CCSER1: variants seen among roughly 807,000 people sequenced by gnomAD.
CCSER1 encodes serine-rich coiled-coil domain-containing protein 1.
In CCSER1, 41 loss-of-function variants were observed where a neutral mutation model predicts 82.0. That is an observed-to-expected ratio of 0.50 (90% CI 0.39 to 0.65). The LOEUF is 0.65. Among genes scored for constraint, CCSER1 ranks in the 30% least tolerant of loss-of-function variants. CCSER1 has a pLI of 0.00. For synonymous variants in CCSER1, 414 were observed against 383.9 expected, an observed-to-expected ratio of 1.08 and a Z score of -0.92; for missense variants, 1,119 against 1,064.2, an observed-to-expected ratio of 1.05 and a Z score of -0.72.
At chr4:90,581,172 A>C (rs1372668574) in intron 5 of CCSER1, among the ~76,000 whole-genome samples, 1 of 152,124 alleles carries the variant, frequency 6.6e-6, no homozygotes, top group Non-Finnish European at 1.5e-5. Flanking sequence ...TATAATACTA[A>C]ATTATAGATT....
chr4:90,144,416 C>A (rs1725422207), intron 1 of CCSER1, among the ~76,000 whole-genome samples: 1 of 152,102 alleles, frequency 6.6e-6, no homozygotes, highest in Non-Finnish European at 1.5e-5. Context: ...CAACATATAG[C>A]TCTTGTAACA....
intron 1 of CCSER1, among the ~76,000 whole-genome samples, chr4:90,237,791 A>G (rs1216856100): frequency 2.6e-5 from 4 of 152,156 alleles, no homozygotes; most frequent in Non-Finnish European, 5.9e-5. Flanking sequence ...ACAACATCTT[A>G]ATTATGGTGA....
At chr4:90,360,651 G>T (rs182988230) in intron 3 of CCSER1, among the ~76,000 whole-genome samples, 6 of 149,620 alleles carry the variant, frequency 4.0e-5, no homozygotes, top group African/African-American at 1.2e-4. Context: ...TAGAAGCTTC[G>T]TCGTTCTTTT....
At chr4:91,063,864 T>C (rs1328557478) in intron 9 of CCSER1, among the ~76,000 whole-genome samples, 2 of 152,174 alleles carry the variant, frequency 1.3e-5, no homozygotes, top group African/African-American at 4.8e-5. Context: ...ATACTCCGAA[T>C]TGGTTCTCAA....
chr4:90,847,866 AT>A (rs1357589476), intron 8 of CCSER1, among the ~76,000 whole-genome samples: 1 of 151,982 alleles, frequency 6.6e-6, no homozygotes, highest in East Asian at 1.9e-4. Flanking sequence ...TGCAGTTTTT[AT>A]TTTGATGATG....
intron 9 of CCSER1, among the ~76,000 whole-genome samples, chr4:90,994,255 A>G (rs1737297841): frequency 6.6e-6 from 1 of 152,120 alleles, no homozygotes; most frequent in Non-Finnish European, 1.5e-5. Flanking sequence ...AATATACCTA[A>G]GCTACCAAAC....
chr4:91,448,674 AGTT>A (rs780242688), intron 10 of CCSER1, among the ~76,000 whole-genome samples: 3 of 152,130 alleles, frequency 2.0e-5, no homozygotes, highest in Non-Finnish European at 2.9e-5. Context: ...GATGATAAAA[AGTT>A]GTTCACAATT....
intron 10 of CCSER1, among the ~76,000 whole-genome samples, chr4:91,180,903 G>C (rs1019332142): frequency 4.6e-5 from 7 of 151,352 alleles, no homozygotes; most frequent in Admixed American, 1.3e-4. Flanking sequence ...ATCCCTTAAG[G>C]GAAACAAGAG....
At chr4:90,855,278 A>C (rs1312620411) in intron 8 of CCSER1, among the ~76,000 whole-genome samples, 4 of 152,090 alleles carry the variant, frequency 2.6e-5, no homozygotes. Context: ...TTCTACCACC[A>C]CCACTGCTCA....
At chr4:91,580,949 C>T (rs1763698572) in intron 10 of CCSER1, among the ~76,000 whole-genome samples, 1 of 151,414 alleles carries the variant, frequency 6.6e-6, no homozygotes, top group African/African-American at 2.4e-5. Flanking sequence ...AATTATATAA[C>T]CTTTAAGTGA....
intron 5 of CCSER1, among the ~76,000 whole-genome samples, chr4:90,476,251 T>C (rs1429380982): frequency 6.6e-6 from 1 of 152,162 alleles, no homozygotes; most frequent in African/African-American, 2.4e-5. Context: ...ATGCATTTCC[T>C]GAAAGCCAAC....
At chr4:90,759,276 A>C (rs1750062634) in intron 7 of CCSER1, among the ~76,000 whole-genome samples, 1 of 152,226 alleles carries the variant, frequency 6.6e-6, no homozygotes, top group African/African-American at 2.4e-5. Flanking sequence ...GAAGGCAAGA[A>C]TGACGTTTTA....
At chr4:91,176,940 G>A (rs1432970221) in intron 10 of CCSER1, among the ~76,000 whole-genome samples, 4 of 152,140 alleles carry the variant, frequency 2.6e-5, no homozygotes, top group African/African-American at 9.7e-5. Flanking sequence ...TATTTAGTAT[G>A]ATATTGGCTG....
At position 91,384,809 on chromosome 4, in the gene CCSER1, T is replaced by C. The variant is rs543133135; in HGVS notation, c.2218-213763T>C. 2.1e-3 allele frequency among the ~76,000 whole-genome samples: 316 copies of C among 152,104 alleles called. 2 individuals are homozygous for C. The highest frequency in any genetic ancestry group is 7.1e-3 in the African/African-American group (295 of 41,522). On this transcript the variant is annotated intron_variant, in intron 10 of 10. Transcript: ENST00000509176. The stretch of plus-strand genomic sequence containing the variant: ...ATTTAGAGAAAATATTTACGGAAGA[T>C]ACAAATAGGCAGTAGACTGTTAAAT...
intron 9 of CCSER1, among the ~76,000 whole-genome samples, chr4:90,945,501 A>T (rs1232995005): frequency 1.3e-5 from 2 of 152,114 alleles, no homozygotes; most frequent in Non-Finnish European, 2.9e-5. Flanking sequence ...TTTATAGTCC[A>T]TTTTCTTTTA....
rs564983658 is a variant in CCSER1 at position 91,265,220 on chromosome 4, T to G, written c.2217+179226T>G. ...TATTTGAAATCATTCTTTGGAACTTTGATTAATTTAGAACTGTTTCAGTAA... is the reference window on the plus strand; with the variant it reads ...TATTTGAAATCATTCTTTGGAACTTGGATTAATTTAGAACTGTTTCAGTAA... On this transcript the variant is annotated intron_variant, in intron 10 of 10. Transcript: ENST00000509176. Among the ~76,000 whole-genome samples the G allele has an allele frequency of 2.6e-5, 4 of 152,136 alleles. No individual in the cohort carries two copies. In the South Asian group the frequency reaches 6.2e-4, roughly 24 times the overall value.
chr4:91,359,791 G>A (rs1328710221), intron 10 of CCSER1, among the ~76,000 whole-genome samples: 1 of 151,806 alleles, frequency 6.6e-6, no homozygotes, highest in Non-Finnish European at 1.5e-5. Flanking sequence ...ACGTCCAGCA[G>A]TAATCGTTAA....
chr4:91,525,307 C>A lies in CCSER1; in HGVS notation c.2218-73265C>A, dbSNP rs150194760. ...GGGTTGGAATTGCTGGAAGGAAGAT[C>A]CTTAAGATTGATTATGTGATTGTCT... is the stretch of plus-strand genomic sequence containing the variant. On this transcript the variant is annotated intron_variant, in intron 10 of 10. Transcript: ENST00000509176. Among the ~76,000 whole-genome samples the A allele has an allele frequency of 1.0e-3, 158 of 152,070 alleles. 1 individual carries two copies. Among genetic ancestry groups the A allele is most frequent in the African/African-American group, 3.4e-3 (143 of 41,500 alleles).
intron 10 of CCSER1, among the ~76,000 whole-genome samples, chr4:91,115,019 C>T (rs780749736): frequency 2.0e-5 from 3 of 151,834 alleles, no homozygotes; most frequent in Non-Finnish European, 4.4e-5. Flanking sequence ...GGAAAGTTAG[C>T]AAAATAAAAG....
Sources: gnomAD v4.1 joint callset for allele counts (sites outside exome capture counted in the v4.1 genomes callset) on GRCh38, gnomAD v4.1.1 for gene constraint, MANE v1.5 for transcripts, NCBI Gene and HGNC (gene_info 2026-07-23, HGNC 2026-07-21) for gene names.